Variants in GPSM2 observed in about 807,000 individuals in gnomAD.
GPSM2 encodes G protein signaling modulator 2.
Under a neutral mutation model 78.4 loss-of-function variants are expected in GPSM2, and 58 were observed. That is an observed-to-expected ratio of 0.74 (90% CI 0.60 to 0.92). The LOEUF (loss-of-function observed/expected upper bound fraction) is 0.92, where lower values mean the gene tolerates loss of function less well. Ranked by LOEUF, GPSM2 falls within the 40% of genes least tolerant of loss-of-function variation. GPSM2 has a pLI of 0.00. For synonymous variants in GPSM2, 224 were observed against 280.2 expected, an observed-to-expected ratio of 0.80 and a Z score of 2.00; for missense variants, 700 against 815.5, an observed-to-expected ratio of 0.86 and a Z score of 1.73.
rs896871230 is a variant in GPSM2, at chr1:108,904,007, A to G, written c.1063-118A>G. On this transcript the variant is annotated intron_variant, in intron 9 of 14. Transcript: ENST00000264126. ...TCATTCATAGTCTCATAATTCTAATATAACTATTTTCATTTCTCTATATTT... is the reference window on the plus strand; with the variant it reads ...TCATTCATAGTCTCATAATTCTAATGTAACTATTTTCATTTCTCTATATTT... 1.1e-5 allele frequency: 8 copies of G among 738,772 alleles called. No homozygotes were observed. The Admixed American group carries it at 1.7e-4, about 16-fold the overall frequency. 45.8% of individuals were successfully genotyped at this position (738,772 alleles called of 1,614,324 possible).
intron 10 of GPSM2, among the ~76,000 whole-genome samples, chr1:108,912,034 A>G (rs1236517703): frequency 6.6e-6 from 1 of 151,866 alleles, no homozygotes; most frequent in Admixed American, 6.6e-5. Context: ...TCTCGAACTT[A>G]TGAGTTCAAG....
At chr1:108,918,488 A>G (rs1246183910) in intron 11 of GPSM2, 125 bp from the exon 12 acceptor site, 7 of 716,102 alleles carry the variant, frequency 9.8e-6, no homozygotes, top group East Asian at 7.7e-5. Flanking sequence ...AAAGAGATCT[A>G]AAATTCTTCC....
intron 14 of GPSM2, among the ~76,000 whole-genome samples, chr1:108,927,491 T>A (rs1397236202): frequency 6.6e-6 from 1 of 152,174 alleles, no homozygotes; most frequent in African/African-American, 2.4e-5. Flanking sequence ...AACCCTTGCA[T>A]GTGTGGTCAA....
chr1:108,918,863 T>A, intron 12 of GPSM2, 74 bp downstream of exon 12: 1 of 892,330 alleles, frequency 1.1e-6, no homozygotes, highest in Non-Finnish European at 1.9e-6. Flanking sequence ...TCATGCTGAA[T>A]TTTTAGTAAT....
intron 2 of GPSM2, among the ~76,000 whole-genome samples, chr1:108,886,522 C>A (rs539437252): frequency 6.6e-6 from 1 of 152,218 alleles, no homozygotes; most frequent in Non-Finnish European, 1.5e-5. Context: ...CTAGGACTTA[C>A]AGTGTTCCCT....
In GPSM2 at chr1:108,931,359, A is replaced by C. The variant is rs1651931194; in HGVS notation, c.*1419A>C. 1.3e-6 allele frequency: 2 copies of C among 1,550,602 alleles called. No individual in the cohort carries two copies. Among genetic ancestry groups the C allele is most frequent in the African/African-American group, 1.4e-5 (1 of 72,768 alleles). On this transcript the variant is annotated 3_prime_UTR_variant, in exon 15 of 15. Transcript: ENST00000264126. The stretch of plus-strand genomic sequence containing the variant: ...GGGATGATAACAAAGTAACTAACTA[A>C]CTGTAGCAAAAGACAAGTATGGGAC...
intron 1 of GPSM2, among the ~76,000 whole-genome samples, chr1:108,884,002 C>T (rs975497868): frequency 1.6e-4 from 25 of 151,870 alleles, no homozygotes; most frequent in Non-Finnish European, 3.2e-4. Flanking sequence ...ACCTCCGCCT[C>T]CCGGGTTCAG....
At chr1:108,885,623 T>A in intron 2 of GPSM2, 45 bp downstream of exon 2, 1 of 1,172,348 alleles carries the variant, frequency 8.5e-7, no homozygotes, top group Non-Finnish European at 1.3e-6. Flanking sequence ...ATCCTTATTT[T>A]AAAGTGTTTT....
chr1:108,882,455 T>C (rs534289794), intron 1 of GPSM2: 1 of 152,250 alleles, frequency 6.6e-6, no homozygotes, highest in East Asian at 1.9e-4. Context: ...ATGTAAATAG[T>C]TGTTATATGG....
In GPSM2 at chr1:108,932,599, CACAGTT is replaced by C. The variant is rs1004391620; in HGVS notation, c.*2665_*2670del. 4 of 152,176 alleles carry C rather than the reference CACAGTT, an allele frequency of 2.6e-5. No homozygotes were observed. Among genetic ancestry groups the C allele is most frequent in the African/African-American group, 9.7e-5 (4 of 41,424 alleles). 9.4% of individuals were successfully genotyped at this position (152,176 alleles called of 1,614,324 possible). A position where few individuals can be genotyped will look rare whatever the true frequency, so the allele number is the denominator to read the frequency against. On this transcript the variant is annotated 3_prime_UTR_variant, in exon 15 of 15. Transcript: ENST00000264126. Reference sequence around the variant, plus strand: ...GCATGCAAGCAGCATTAATTCCACTCACAGTTACAGTCTATCACCTGGGGCATTCAC... The same window carrying C: ...GCATGCAAGCAGCATTAATTCCACTCACAGTCTATCACCTGGGGCATTCAC...
intron 11 of GPSM2, among the ~76,000 whole-genome samples, chr1:108,918,281 G>GT (rs1650434985): frequency 6.6e-6 from 1 of 152,038 alleles, no homozygotes; most frequent in Non-Finnish European, 1.5e-5. Context: ...AGATTTTTAA[G>GT]TAACTCACGT....
intron 10 of GPSM2, among the ~76,000 whole-genome samples, chr1:108,905,540 T>C (rs1354549874): frequency 6.6e-6 from 1 of 152,218 alleles, no homozygotes; most frequent in African/African-American, 2.4e-5. Flanking sequence ...TCATTTGGCC[T>C]CCAGGATTAC....
chr1:108,917,609 CACATAT>C (rs1650335972), intron 11 of GPSM2, among the ~76,000 whole-genome samples: 1 of 90,190 alleles, frequency 1.1e-5, no homozygotes, highest in Admixed American at 1.5e-4. Flanking sequence ...CACACACACA[CACATAT>C]ATATATATAT....
chr1:108,915,302 C>T (rs1344202464), intron 11 of GPSM2, among the ~76,000 whole-genome samples: 4 of 132,822 alleles, frequency 3.0e-5, no homozygotes, highest in Non-Finnish European at 6.2e-5. Context: ...ACCTGGGAGG[C>T]GGAGGTTGCA....
intron 2 of GPSM2, 117 bp downstream of exon 2, chr1:108,885,695 G>T: frequency 1.4e-6 from 1 of 719,962 alleles, no homozygotes; most frequent in Non-Finnish European, 2.5e-6. Flanking sequence ...CCATAGTATT[G>T]TCTGTAGACA....
intron 7 of GPSM2, among the ~76,000 whole-genome samples, chr1:108,900,992 C>T (rs974953790): frequency 4.6e-5 from 7 of 152,208 alleles, no homozygotes; most frequent in Non-Finnish European, 8.8e-5. Flanking sequence ...GGTTTAAGCA[C>T]TGATAATAAC....
rs1474006364 is a variant in GPSM2 at position 108,931,981 on chromosome 1, ACACTATATAGGC to A, written c.*2042_*2053del. ...CTGTTCTGATTTTCCTAAAAGCTTC[ACACTATATAGGC>A]TGGGCACAATGGCTCATGCCTGTAA... On this transcript the variant is annotated 3_prime_UTR_variant, in exon 15 of 15. Transcript: ENST00000264126. 1.3e-5 allele frequency: 2 copies of A among 153,376 alleles called. No homozygotes were observed. The highest frequency in any genetic ancestry group is 1.3e-4 in the Admixed American group (2 of 15,402). The allele number at this position is 153,376 out of a possible 1,614,324, so 9.5% of individuals were successfully genotyped here. A position where few individuals can be genotyped will look rare whatever the true frequency, so the allele number is the denominator to read the frequency against.
rs1648002631 is a variant in GPSM2 at position 108,891,953 on chromosome 1, G to C, written c.57-4911G>C. On this transcript the variant is annotated intron_variant, in intron 2 of 14. Coordinates refer to ENST00000264126, the MANE Select transcript of GPSM2 (RefSeq NM_013296.5). Reference sequence around the variant, plus strand: ...AACCATACAAATGTAAATCAATTGAGCACTACTTTTCCTTTTACATAATAA... The same window carrying C: ...AACCATACAAATGTAAATCAATTGACCACTACTTTTCCTTTTACATAATAA... Among the ~76,000 whole-genome samples, 3 of 151,844 alleles carry C rather than the reference G, an allele frequency of 2.0e-5. No homozygotes were observed. The South Asian group carries it at 6.2e-4, about 32-fold the overall frequency.
chr1:108,924,093 G>C lies in GPSM2; in HGVS notation c.1694G>C (p.Ser565Thr). 4 of 1,613,524 alleles carry C rather than the reference G, an allele frequency of 2.5e-6. No homozygotes were observed. Among genetic ancestry groups the C allele is most frequent in the Non-Finnish European group, 3.4e-6 (4 of 1,179,460 alleles). Reference protein sequence around the residue: ...QSRRLDDQRASFSNLPGLRLT... With the variant: ...QSRRLDDQRATFSNLPGLRLT... ...CGCCGTCTGGATGACCAGAGGGCTA[G>C]TTTCAGTAATTTGCCAGGGCTTCGT... Residue 565 changes from serine (S) to threonine (T), a missense_variant, in exon 14 of 15, where the codon AGT (serine) becomes ACT (threonine). Coordinates refer to ENST00000264126, the MANE Select transcript of GPSM2 (RefSeq NM_013296.5).
Sources: gnomAD v4.1 joint callset for allele counts (sites outside exome capture counted in the v4.1 genomes callset) on GRCh38, gnomAD v4.1.1 for gene constraint, MANE v1.5 for transcripts, NCBI Gene and HGNC (gene_info 2026-07-23, HGNC 2026-07-21) for gene names.